Variants in ROR1 observed in about 807,000 individuals in gnomAD.
ROR1 encodes the protein inactive tyrosine-protein kinase transmembrane receptor ROR1.
ROR1 carries 19 observed loss-of-function variants against 78.8 expected under a neutral mutation model. The ratio of observed to expected loss-of-function variants is 0.24; its 90% CI spans 0.17 to 0.35. ROR1 has a LOEUF of 0.35. Ranked by LOEUF, ROR1 falls within the 10% of genes least tolerant of loss-of-function variation. The probability of loss-of-function intolerance (pLI) is 1.00; values close to 1 mark genes in which losing one functional copy is unlikely to be tolerated. For synonymous variants in ROR1, 386 were observed against 433.6 expected, an observed-to-expected ratio of 0.89 and a Z score of 1.36; for missense variants, 917 against 1,177.8, an observed-to-expected ratio of 0.78 and a Z score of 3.24.
intron 1 of ROR1, among the ~76,000 whole-genome samples, chr1:63,887,333 A>G (rs184772266): frequency 1.8e-4 from 27 of 152,162 alleles, no homozygotes; most frequent in Admixed American, 1.6e-3. Context: ...TGAAATTGTG[A>G]TGGGGCTAAT....
intron 4 of ROR1, among the ~76,000 whole-genome samples, chr1:64,112,977 A>C (rs1569787470): frequency 6.6e-6 from 1 of 152,202 alleles, no homozygotes; most frequent in African/African-American, 2.4e-5. Context: ...CATAATAAGC[A>C]TGTGATAAAT....
chr1:63,850,414 C>G (rs1645107001), intron 1 of ROR1, among the ~76,000 whole-genome samples: 1 of 152,240 alleles, frequency 6.6e-6, no homozygotes, highest in Non-Finnish European at 1.5e-5. Context: ...GTATGCATGT[C>G]TTCGGCTTCC....
intron 1 of ROR1, among the ~76,000 whole-genome samples, chr1:63,990,039 C>T (rs1238066065): frequency 6.6e-6 from 1 of 152,160 alleles, no homozygotes; most frequent in Non-Finnish European, 1.5e-5. Flanking sequence ...CTGTCAGCTC[C>T]TTAAGAGAGA....
At chr1:63,777,270 T>C (rs1644622946) in intron 1 of ROR1, among the ~76,000 whole-genome samples, 1 of 152,192 alleles carries the variant, frequency 6.6e-6, no homozygotes, top group African/African-American at 2.4e-5. Flanking sequence ...CTGTGTTTGC[T>C]ATCATTTTGT....
intron 1 of ROR1, among the ~76,000 whole-genome samples, chr1:63,945,919 A>C (rs933269652): frequency 6.6e-6 from 1 of 152,222 alleles, no homozygotes; most frequent in Non-Finnish European, 1.5e-5. Context: ...ACTTTGGAGA[A>C]CTGGGGAGCC....
chr1:63,910,751 C>T (rs1200326531), intron 1 of ROR1, among the ~76,000 whole-genome samples: 1 of 152,084 alleles, frequency 6.6e-6, no homozygotes, highest in Non-Finnish European at 1.5e-5. Flanking sequence ...CATGTGACTC[C>T]CAGACTGCCT....
chr1:64,017,487 G>A (rs1570065619), intron 2 of ROR1, among the ~76,000 whole-genome samples: 3 of 152,210 alleles, frequency 2.0e-5, no homozygotes, highest in Middle Eastern at 6.8e-3. Flanking sequence ...GAAAATGACC[G>A]TTTATGGTCC....
At chr1:63,947,285 G>A (rs1275354253) in intron 1 of ROR1, among the ~76,000 whole-genome samples, 2 of 152,196 alleles carry the variant, frequency 1.3e-5, no homozygotes, top group Admixed American at 6.5e-5. Context: ...ATTTAGCTTG[G>A]GGCTTATGCA....
Position 64,178,284 on chromosome 1 carries a change from C to T in ROR1, c.2243C>T (p.Ser748Phe). The change falls in exon 9 of 9, where the codon TCC becomes TTC. Residue 748 changes from serine to phenylalanine, a missense_variant. Transcript: ENST00000371079. This position sits in a 1 kb window ranked among gnomAD's most constrained non-coding sequence, Gnocchi z 4.3. ...AAAGATATTCACGTCCGGCTTCGGT[C>T]CTGGGAGGGACTCTCAAGTCACACA... ...RFKDIHVRLR[S>F]WEGLSSHTSS... The T allele has an allele frequency of 6.2e-7, 1 of 1,614,118 alleles. No individual in the cohort carries two copies.
intron 4 of ROR1, among the ~76,000 whole-genome samples, chr1:64,101,315 C>G (rs2100657410): frequency 6.6e-6 from 1 of 152,204 alleles, no homozygotes; most frequent in African/African-American, 2.4e-5. Context: ...ATGGTCCTGT[C>G]TCATTCCTAA....
At chr1:63,859,755 T>C (rs1043041551) in intron 1 of ROR1, among the ~76,000 whole-genome samples, 3 of 152,180 alleles carry the variant, frequency 2.0e-5, no homozygotes, top group African/African-American at 7.2e-5. Flanking sequence ...CACTAGAAAG[T>C]GCAAAGGCTT....
intron 1 of ROR1, among the ~76,000 whole-genome samples, chr1:63,788,473 A>C (rs1287563646): frequency 6.6e-6 from 1 of 152,106 alleles, no homozygotes; most frequent in Non-Finnish European, 1.5e-5. Flanking sequence ...ACTGTCTGTT[A>C]AATTCAATGT....
chr1:64,086,599 A>G (rs17126175), intron 4 of ROR1, among the ~76,000 whole-genome samples: 22,691 of 152,198 alleles, frequency 0.15, 1,780 homozygotes, highest in Middle Eastern at 0.2. Flanking sequence ...TGAGTATTGC[A>G]CATTACCTTT....
At chr1:63,865,779 T>C (rs1253940389) in intron 1 of ROR1, among the ~76,000 whole-genome samples, 1 of 152,210 alleles carries the variant, frequency 6.6e-6, no homozygotes, top group East Asian at 1.9e-4. Context: ...TGGATTTGAT[T>C]GTACATAGCG....
At chr1:63,943,591 C>A (rs1329030255) in intron 1 of ROR1, among the ~76,000 whole-genome samples, 1 of 152,026 alleles carries the variant, frequency 6.6e-6, no homozygotes, top group Admixed American at 6.5e-5. Flanking sequence ...ATTAGCAGAG[C>A]AGATACCGGG....
At chr1:64,138,647 G>A (rs530372773) in intron 5 of ROR1, among the ~76,000 whole-genome samples, 1 of 151,240 alleles carries the variant, frequency 6.6e-6, no homozygotes, top group South Asian at 2.1e-4. Flanking sequence ...CTAGGTTCAT[G>A]CCATTCTCCT....
At chr1:63,963,180 T>G (rs1166269860) in intron 1 of ROR1, among the ~76,000 whole-genome samples, 3 of 152,196 alleles carry the variant, frequency 2.0e-5, no homozygotes, top group Non-Finnish European at 4.4e-5. Flanking sequence ...AACAAGTGCT[T>G]TAATTAATAA....
intron 1 of ROR1, among the ~76,000 whole-genome samples, chr1:63,862,265 A>G (rs1645186506): frequency 1.3e-5 from 2 of 151,786 alleles, no homozygotes; most frequent in South Asian, 4.2e-4. Context: ...ATGGTGGCAC[A>G]TGCTTGTAAT....
intron 1 of ROR1, among the ~76,000 whole-genome samples, chr1:63,866,515 A>C (rs1287700452): frequency 6.6e-6 from 1 of 152,148 alleles, no homozygotes; most frequent in Non-Finnish European, 1.5e-5. Context: ...TTCCTACACC[A>C]AGTATAGATG....
Sources: gnomAD v4.1 joint callset for allele counts (sites outside exome capture counted in the v4.1 genomes callset) on GRCh38, gnomAD v4.1.1 for gene constraint, Gnocchi (gnomAD v3.1) non-coding constraint, MANE v1.5 for transcripts, NCBI Gene and HGNC (gene_info 2026-07-23, HGNC 2026-07-21) for gene names.